TICRR: variants seen among roughly 807,000 people sequenced by gnomAD.
TICRR encodes treslin.
Under a neutral mutation model 178.1 loss-of-function variants are expected in TICRR, and 132 were observed. The observed-to-expected ratio is 0.74, with a 90% CI of 0.64 to 0.86. The LOEUF is 0.86. Among genes scored for constraint, TICRR ranks in the 40% least tolerant of loss-of-function variants. The probability of loss-of-function intolerance (pLI) is 0.00; values close to 1 mark genes in which losing one functional copy is unlikely to be tolerated. For missense variants in TICRR, 2,587 were observed against 2,334.3 expected, an observed-to-expected ratio of 1.11 and a Z score of -2.23; for synonymous variants, 991 against 900.7, an observed-to-expected ratio of 1.10 and a Z score of -1.79.
intron 19 of TICRR, among the ~76,000 whole-genome samples, chr15:89,622,971 T>A (rs1358826682): frequency 6.6e-6 from 1 of 152,214 alleles, no homozygotes; most frequent in Non-Finnish European, 1.5e-5. Context: ...TATGCCCCAC[T>A]GAACAGGAAA....
Position 89,576,009 on chromosome 15 carries a change from G to GGAGGCC in TICRR, c.431_436dup (p.Glu144_Ala145dup). The GGAGGCC allele has an allele frequency of 6.2e-7, 1 of 1,608,456 alleles. No homozygotes were observed. Among genetic ancestry groups the GGAGGCC allele is most frequent in the Non-Finnish European group, 8.5e-7 (1 of 1,178,368 alleles). On this transcript the variant is annotated inframe_insertion, in exon 1 of 22. Coordinates refer to ENST00000268138, the MANE Select transcript of TICRR (RefSeq NM_152259.4). Reference sequence around the variant, plus strand: ...TGCTGGACGTGGAGAGCGAGGCCAAGGAGGCCGAGGCCGCGCTCGGGGGCT... The same window carrying GGAGGCC: ...TGCTGGACGTGGAGAGCGAGGCCAAGGAGGCCGAGGCCGAGGCCGCGCTCGGGGGCT...
rs1156758969 is a variant in TICRR at position 89,627,124 on chromosome 15, G to C, written c.*38G>C. 6.2e-7 allele frequency: 1 copy of C among 1,611,732 alleles called. No individual in the cohort carries two copies. The highest frequency in any genetic ancestry group is 2.2e-5 in the East Asian group (1 of 44,858). On this transcript the variant is annotated 3_prime_UTR_variant, in exon 22 of 22. Transcript: ENST00000268138. The stretch of plus-strand genomic sequence containing the variant: ...CTGAGCCCAAAAGATCAAGGAGTCA[G>C]CCAGGACCCTGTGGACATAAAGAAG...
At chr15:89,582,014 G>A (rs1214655675) in intron 1 of TICRR, among the ~76,000 whole-genome samples, 1 of 152,120 alleles carries the variant, frequency 6.6e-6, no homozygotes, top group African/African-American at 2.4e-5. Flanking sequence ...GTGTTGTGCT[G>A]TATAGGACAT....
chr15:89,598,996 G>C (rs895728271), intron 7 of TICRR, among the ~76,000 whole-genome samples: 2 of 152,132 alleles, frequency 1.3e-5, no homozygotes, highest in Non-Finnish European at 2.9e-5. Context: ...GATTGTCAGA[G>C]TAAGACCTTG....
At position 89,584,073 on chromosome 15, in the gene TICRR, C is replaced by G. The variant is rs568184380; in HGVS notation, c.935-213C>G. Among the ~76,000 whole-genome samples, 9 of 152,242 alleles carry G rather than the reference C, an allele frequency of 5.9e-5. No individual in the cohort carries two copies. In the East Asian group the frequency reaches 1.5e-3, roughly 26 times the overall value. On this transcript the variant is annotated intron_variant, in intron 2 of 21. Transcript: ENST00000268138. Reference sequence around the variant, plus strand: ...CCTTTGTAACTCCATTTGTTTATAGCTTTTTCTATAGAGCTAAATGAACTT... The same window carrying G: ...CCTTTGTAACTCCATTTGTTTATAGGTTTTTCTATAGAGCTAAATGAACTT...
In TICRR at chr15:89,606,799, C is replaced by T; in HGVS notation, c.2696C>T (p.Ser899Phe). 6.2e-7 allele frequency: 1 copy of T among 1,613,874 alleles called. No homozygotes were observed. The highest frequency in any genetic ancestry group is 8.5e-7 in the Non-Finnish European group (1 of 1,179,836). ...TCTCACCCTGCTCCTCAGCAGCCTTCCCAGCCAGTGAAAGATACAGTGCAA... is the reference window on the plus strand; with the variant it reads ...TCTCACCCTGCTCCTCAGCAGCCTTTCCAGCCAGTGAAAGATACAGTGCAA... ...ENSHPAPQQP[S>F]QPVKDTVQEV... Residue 899 changes from serine (S) to phenylalanine (F), a missense_variant, in exon 14 of 22, where the codon TCC becomes TTC. Ser to Phe is a radical substitution (Grantham distance 155, BLOSUM62 -2). Coordinates refer to ENST00000268138, the MANE Select transcript of TICRR (RefSeq NM_152259.4).
Position 89,624,016 on chromosome 15 carries a change from C to A in TICRR, c.3706C>A (p.Pro1236Thr), listed in dbSNP as rs762322036. The change falls in exon 20 of 22, where the codon CCC (proline) becomes ACC (threonine). Residue 1236 changes from proline to threonine, a missense_variant. Pro to Thr is a conservative substitution (Grantham distance 38). Transcript: ENST00000268138. ...CCCTCCAACTTCATCGACTGCCCAG[C>A]CCAGGAGAGAGTGTCTCACTCCCAT... is the stretch of plus-strand genomic sequence containing the variant. ...PAPPTSSTAQ[P>T]RRECLTPIRD... 1 of 1,614,036 alleles carries A rather than the reference C, an allele frequency of 6.2e-7. No individual in the cohort carries two copies. The highest frequency in any genetic ancestry group is 8.5e-7 in the Non-Finnish European group (1 of 1,179,994).
intron 2 of TICRR, among the ~76,000 whole-genome samples, chr15:89,583,604 A>G (rs1239386810): frequency 6.6e-6 from 1 of 152,208 alleles, no homozygotes; most frequent in African/African-American, 2.4e-5. Context: ...CTCATAAGAT[A>G]TGATGCACTG....
chr15:89,615,591 GGA>G (rs1440025758), intron 15 of TICRR, among the ~76,000 whole-genome samples: 1 of 152,178 alleles, frequency 6.6e-6, no homozygotes, highest in African/African-American at 2.4e-5. Flanking sequence ...CCTTTATGGA[GGA>G]GAGTGTTCAG....
In TICRR at chr15:89,584,274, C is replaced by A. The variant is rs1962780137; in HGVS notation, c.935-12C>A. On this transcript the variant is annotated splice_polypyrimidine_tract_variant and intron_variant, in intron 2 of 21. Coordinates refer to ENST00000268138, the MANE Select transcript of TICRR (RefSeq NM_152259.4). ...AATTTGGCATCCTGGTCTAATTAAT[C>A]TTTATTTCTAGCAGGCAAAGAGATT... is the stretch of plus-strand genomic sequence containing the variant. 1 of 1,584,908 alleles carries A rather than the reference C, an allele frequency of 6.3e-7. No homozygotes were observed. Among genetic ancestry groups the A allele is most frequent in the South Asian group, 1.2e-5 (1 of 86,016 alleles).
At chr15:89,597,807 T>A (rs555954280) in intron 7 of TICRR, among the ~76,000 whole-genome samples, 19 of 152,338 alleles carry the variant, frequency 1.2e-4, no homozygotes, top group Non-Finnish European at 2.2e-4. Flanking sequence ...ACATAGAATC[T>A]ATAGATCAAA....
chr15:89,601,106 A>T (rs189900359), intron 9 of TICRR, among the ~76,000 whole-genome samples, 192 bp from the exon 10 acceptor site: 349 of 151,408 alleles, frequency 2.3e-3, no homozygotes, highest in African/African-American at 7.8e-3. Context: ...TTTGTAGCCA[A>T]TTCTTTTTTA....
intron 21 of TICRR, 32 bp from the exon 22 acceptor site, chr15:89,626,924 C>T: frequency 6.2e-7 from 1 of 1,607,586 alleles, no homozygotes; most frequent in South Asian, 1.1e-5. Flanking sequence ...CTCTGTGACT[C>T]CTGCATGCTA....
Position 89,575,949 on chromosome 15 carries a change from C to T in TICRR, c.363C>T (p.Pro121=), listed in dbSNP as rs770335617. 4 of 1,600,292 alleles carry T rather than the reference C, an allele frequency of 2.5e-6. No individual in the cohort carries two copies. Among genetic ancestry groups the T allele is most frequent in the Non-Finnish European group, 3.4e-6 (4 of 1,175,128 alleles). The part of the protein sequence containing the change: ...YQWDRPEITS[P]TKPILRSSGR... Reference sequence around the variant, plus strand: ...GGGACCGGCCCGAGATCACGTCGCCCACGAAGCCGATCCTGCGGAGCAGCG... The same window carrying T: ...GGGACCGGCCCGAGATCACGTCGCCTACGAAGCCGATCCTGCGGAGCAGCG... Residue 121 remains proline (P), a synonymous_variant, in exon 1 of 22, where the codon CCC becomes CCT. Coordinates refer to ENST00000268138, the MANE Select transcript of TICRR (RefSeq NM_152259.4).
At chr15:89,576,870 CACAT>C in intron 1 of TICRR, among the ~76,000 whole-genome samples, 1 of 139,734 alleles carries the variant, frequency 7.2e-6, no homozygotes, top group Admixed American at 7.2e-5. Flanking sequence ...TACACACACA[CACAT>C]ATATATACAC....
chr15:89,614,996 G>T (rs1009746021), intron 15 of TICRR, among the ~76,000 whole-genome samples: 1 of 152,102 alleles, frequency 6.6e-6, no homozygotes, highest in East Asian at 1.9e-4. Context: ...GTCTATCCTC[G>T]GCACATGCAC....
At chr15:89,609,105 T>A in intron 15 of TICRR, 156 bp downstream of exon 15, 21 of 116,950 alleles carry the variant, frequency 1.8e-4, no homozygotes, top group Non-Finnish European at 2.8e-4. Flanking sequence ...TTAATCTTTT[T>A]TTTTTTTTTT....
chr15:89,608,943 A>C lies in TICRR; in HGVS notation c.2863A>C (p.Asn955His). Residue 955 changes from asparagine (N) to histidine (H), a missense_variant, in exon 15 of 22, where the codon AAC (asparagine) becomes CAC (histidine). By Grantham distance (68) the Asn-to-His change is moderately conservative. Coordinates refer to ENST00000268138, the MANE Select transcript of TICRR (RefSeq NM_152259.4). ...GGATAAACTTGACAACTTCAAGAAG[A>C]ACAAAGGTACCACATTTCAGAATAG... ...LEDKLDNFKK[N>H]KGYHKLLTKS... is the part of the protein sequence containing the mutation. 6.3e-7 allele frequency: 1 copy of C among 1,593,908 alleles called. No individual in the cohort carries two copies. Among genetic ancestry groups the C allele is most frequent in the Non-Finnish European group, 8.5e-7 (1 of 1,173,952 alleles).
chr15:89,588,247 T>C (rs1371228595), intron 4 of TICRR, among the ~76,000 whole-genome samples: 1 of 152,026 alleles, frequency 6.6e-6, no homozygotes, highest in African/African-American at 2.4e-5. Flanking sequence ...AGGGTGAAGA[T>C]AGCAGGAAGG....
Sources: allele counts gnomAD v4.1 joint callset (sites outside exome capture counted in the v4.1 genomes callset), GRCh38; gene constraint gnomAD v4.1.1; transcripts MANE v1.5; gene names NCBI Gene and HGNC (gene_info 2026-07-23, HGNC 2026-07-21).